The following PTPRA variants were observed in gnomAD, a reference collection of about 807,000 sequenced individuals.
The protein encoded by PTPRA is receptor-type tyrosine-protein phosphatase alpha.
A neutral mutation model predicts 104.8 loss-of-function variants in PTPRA; 25 were observed. That is an observed-to-expected ratio of 0.24 (90% CI 0.17 to 0.33). The LOEUF (loss-of-function observed/expected upper bound fraction) is 0.33, where lower values mean the gene tolerates loss of function less well. Ranked by LOEUF, PTPRA falls within the 10% of genes least tolerant of loss-of-function variation. The pLI is 1.00. For missense variants in PTPRA, 765 were observed against 1,015.3 expected, an observed-to-expected ratio of 0.75 and a Z score of 3.35; for synonymous variants, 323 against 368.9, an observed-to-expected ratio of 0.88 and a Z score of 1.43.
At chr20:3,007,679 G>A (rs1418320332) in intron 11 of PTPRA, among the ~76,000 whole-genome samples, 1 of 152,140 alleles carries the variant, frequency 6.6e-6, no homozygotes, top group Non-Finnish European at 1.5e-5. Context: ...ATAAGAGTCA[G>A]TGAATCCTTT....
At chr20:2,880,030 A>C (rs1302652572) in intron 1 of PTPRA, among the ~76,000 whole-genome samples, 1 of 152,230 alleles carries the variant, frequency 6.6e-6, no homozygotes, top group Non-Finnish European at 1.5e-5. Flanking sequence ...GACTAAGGAC[A>C]GTGTTGAGAC....
intron 9 of PTPRA, among the ~76,000 whole-genome samples, chr20:2,989,188 A>G (rs1568683920): frequency 6.6e-6 from 1 of 152,220 alleles, no homozygotes; most frequent in Non-Finnish European, 1.5e-5. Flanking sequence ...TAATCCCAAC[A>G]CTTTGGGAGG....
At chr20:2,866,205 C>T in the PTPRA span, 4 of 1,614,012 alleles carry the variant, frequency 2.5e-6, no homozygotes, top group Non-Finnish European at 3.4e-6. Context: ...GCTTCCTCTC[C>T]TCCAAGCCTT....
chr20:2,994,975 C>T (rs781523826), intron 9 of PTPRA, among the ~76,000 whole-genome samples: 4 of 152,006 alleles, frequency 2.6e-5, no homozygotes, highest in Non-Finnish European at 4.4e-5. Context: ...ACTAAAAATA[C>T]AAAAATTAGC....
the PTPRA span, among the ~76,000 whole-genome samples, chr20:2,868,227 G>A: frequency 9.2e-5 from 14 of 151,734 alleles, no homozygotes; most frequent in African/African-American, 3.4e-4. Flanking sequence ...TGGAAGTTAC[G>A]TGGTGTCACA....
chr20:2,965,835 C>T (rs891256215), intron 5 of PTPRA, among the ~76,000 whole-genome samples: 5 of 152,146 alleles, frequency 3.3e-5, no homozygotes, highest in Admixed American at 1.3e-4. Context: ...AAATCAGAGA[C>T]GTGGATCTGA....
intron 1 of PTPRA, among the ~76,000 whole-genome samples, chr20:2,884,802 T>G (rs921123088): frequency 4.7e-4 from 55 of 117,628 alleles, no homozygotes; most frequent in East Asian, 3.5e-4. Flanking sequence ...TGGTTTTTTT[T>G]GTTTTTTTTG....
At chr20:2,876,733 G>T (rs1568635481) in intron 1 of PTPRA, among the ~76,000 whole-genome samples, 1 of 152,146 alleles carries the variant, frequency 6.6e-6, no homozygotes, top group African/African-American at 2.4e-5. Flanking sequence ...CTGCATTTTT[G>T]ATTTGCAGAC....
chr20:3,007,848 A>ATGTGTGTGTGTGTC (rs1239902632), intron 11 of PTPRA, among the ~76,000 whole-genome samples: 2 of 152,078 alleles, frequency 1.3e-5, no homozygotes, highest in African/African-American at 4.8e-5. Flanking sequence ...GTATATATAT[A>ATGTGTGTGTGTGTC]TATATATGAC....
chr20:2,903,975 G>A (rs1017054587), intron 1 of PTPRA, among the ~76,000 whole-genome samples: 1 of 151,952 alleles, frequency 6.6e-6, no homozygotes, highest in Non-Finnish European at 1.5e-5. Flanking sequence ...CGCAATCATG[G>A]CTCACTGCAA....
chr20:2,928,935 T>C (rs1353456968), intron 2 of PTPRA, among the ~76,000 whole-genome samples: 1 of 149,762 alleles, frequency 6.7e-6, no homozygotes, highest in Non-Finnish European at 1.5e-5. Context: ...GTTCAAGCAA[T>C]CCTCCCACCT....
intron 20 of PTPRA, among the ~76,000 whole-genome samples, chr20:3,031,668 C>G (rs1164255041): frequency 6.6e-6 from 1 of 152,160 alleles, no homozygotes; most frequent in Non-Finnish European, 1.5e-5. Context: ...TCAGTATTCT[C>G]TTTTATTCCA....
chr20:2,956,335 G>A (rs76642213), intron 3 of PTPRA, among the ~76,000 whole-genome samples: 2,762 of 152,180 alleles, frequency 0.018, 83 homozygotes, highest in African/African-American at 0.062. Context: ...TAATGTACAG[G>A]CCCCTTCATG....
chr20:2,898,870 T>A (rs549013031), intron 1 of PTPRA, among the ~76,000 whole-genome samples: 37 of 152,078 alleles, frequency 2.4e-4, no homozygotes, highest in African/African-American at 8.7e-4. Context: ...AAAAAAAAAA[T>A]TTCTGGGCTC....
At chr20:2,898,274 G>A (rs1236893912) in intron 1 of PTPRA, among the ~76,000 whole-genome samples, 2 of 151,768 alleles carry the variant, frequency 1.3e-5, no homozygotes, top group African/African-American at 4.8e-5. Flanking sequence ...TAGAGACGGG[G>A]TTTCACTGTG....
intron 2 of PTPRA, among the ~76,000 whole-genome samples, chr20:2,946,482 A>G (rs2061135477): frequency 6.6e-6 from 1 of 152,206 alleles, no homozygotes. Context: ...GACTATGTCA[A>G]GTTTCTTCGT....
intron 1 of PTPRA, among the ~76,000 whole-genome samples, chr20:2,915,582 T>C (rs528769247): frequency 6.6e-6 from 1 of 152,232 alleles, no homozygotes; most frequent in Admixed American, 6.5e-5. Context: ...TTTCAAAATT[T>C]TGACGAATTC....
intron 3 of PTPRA, chr20:2,955,659 A>G (rs2061509723): frequency 2.0e-6 from 2 of 984,654 alleles, no homozygotes; most frequent in Non-Finnish European, 2.4e-6. Flanking sequence ...CTCACTGGCA[A>G]CTCTTCAGAG....
chr20:2,919,968 A>G (rs2147332648), intron 1 of PTPRA, among the ~76,000 whole-genome samples: 1 of 152,246 alleles, frequency 6.6e-6, no homozygotes, highest in East Asian at 1.9e-4. Flanking sequence ...AGGTTTTATT[A>G]GAATATAGCT....
Sources: allele counts gnomAD v4.1 joint callset (sites outside exome capture counted in the v4.1 genomes callset), GRCh38; gene constraint gnomAD v4.1.1; transcripts MANE v1.5; gene names NCBI Gene and HGNC (gene_info 2026-07-23, HGNC 2026-07-21).